The following C6orf132 variants were observed in gnomAD, a reference collection of about 807,000 sequenced individuals.
C6orf132 encodes the protein chromosome 6 open reading frame 132, also known as uncharacterized protein C6orf132.
Under a neutral mutation model 65.3 loss-of-function variants are expected in C6orf132, and 43 were observed. That is an observed-to-expected ratio of 0.66 (90% CI 0.52 to 0.85). C6orf132 has a LOEUF of 0.85. Ranked by LOEUF, C6orf132 falls within the 40% of genes least tolerant of loss-of-function variation. C6orf132 has a pLI of 0.00. For missense variants in C6orf132, 1,488 were observed against 1,548.8 expected (o/e 0.96, Z 0.66); for synonymous variants, 631 against 654.1 (o/e 0.96, Z 0.54).
intron 1 of C6orf132, among the ~76,000 whole-genome samples, chr6:42,131,633 C>CTCT (rs1306188540): frequency 6.6e-6 from 1 of 152,030 alleles, no homozygotes; most frequent in Non-Finnish European, 1.5e-5. Context: ...TGGGAAGCAA[C>CTCT]GGGAGGTGAG....
chr6:42,103,504 T>G lies in C6orf132; in HGVS notation c.*257A>C, dbSNP rs1766330578. On this transcript the variant is annotated 3_prime_UTR_variant, in exon 5 of 5. Transcript: ENST00000341865. ...AGCGCCCAGGTCCTTAATGGTTCCT[T>G]CTCTCTACCCTCCTTCCCCTCCCAC... 7.7e-6 allele frequency: 3 copies of G among 390,156 alleles called. No homozygotes were observed. The East Asian group carries it at 1.1e-4, about 14-fold the overall frequency. The allele number at this position is 390,156 out of a possible 1,614,324, so 24.2% of individuals were successfully genotyped here. A position where few individuals can be genotyped will look rare whatever the true frequency, so the allele number is the denominator to read the frequency against.
chr6:42,112,703 G>T (rs1335047765), intron 2 of C6orf132, among the ~76,000 whole-genome samples: 1 of 152,226 alleles, frequency 6.6e-6, no homozygotes, highest in African/African-American at 2.4e-5. Context: ...CCTTCAGTGA[G>T]ATCTGGGAGC....
rs1391623499 is a variant in C6orf132, at chr6:42,106,624, AC to A, written c.1287del (p.Phe430LeufsTer87). ...CAQKAAHPPA[G>X]FTKTPKSSSP... is the part of the protein sequence containing the mutation. Reference sequence around the variant, plus strand: ...GAGCTGGATTTAGGGGTTTTTGTAAACCCAGCAGGTGGATGGGCTGCCTTCT... The same window carrying A: ...GAGCTGGATTTAGGGGTTTTTGTAAACCAGCAGGTGGATGGGCTGCCTTCT... On this transcript the variant is annotated frameshift_variant, in exon 4 of 5. Transcript: ENST00000341865. LOFTEE classifies it high-confidence loss of function. 6.5e-7 allele frequency: 1 copy of A among 1,528,712 alleles called. No individual in the cohort carries two copies. Among genetic ancestry groups the A allele is most frequent in the South Asian group, 1.2e-5 (1 of 83,788 alleles). The allele number at this position is 1,528,712 out of a possible 1,614,324, so 94.7% of individuals were successfully genotyped here.
Position 42,104,735 on chromosome 6 carries a change from G to C in C6orf132, c.3177C>G (p.Arg1059=), listed in dbSNP as rs1249502824. ...CGTACAGGCGCTTCTTTATGAGCGA[G>C]CGGCCCCCTCCCGAGAAGCGCTCCA... ...GGLERFSGGG[R]SLIKKRLYVG... Residue 1059 remains arginine (R), a synonymous_variant, in exon 4 of 5, where the codon CGC becomes CGG. Transcript: ENST00000341865. This position sits in a 1 kb window ranked among gnomAD's most constrained non-coding sequence, Gnocchi z 4.1. The C allele has an allele frequency of 6.5e-7, 1 of 1,527,074 alleles. No individual in the cohort carries two copies. The highest frequency in any genetic ancestry group is 2.0e-5 in the Admixed American group (1 of 49,372). The allele number at this position is 1,527,074 out of a possible 1,614,324, so 94.6% of individuals were successfully genotyped here.
chr6:42,115,289 CAAAAAAA>C (rs58397911), intron 2 of C6orf132, among the ~76,000 whole-genome samples: 1 of 73,658 alleles, frequency 1.4e-5, no homozygotes, highest in Non-Finnish European at 3.1e-5. Context: ...GACTCCATCT[CAAAAAAA>C]AAAAAAAAAA....
intron 1 of C6orf132, 105 bp downstream of exon 1, chr6:42,142,195 T>G: frequency 7.6e-7 from 1 of 1,313,050 alleles, no homozygotes. Context: ...AGTCCGCAGG[T>G]TCCAACGTGT....
chr6:42,126,847 CAAAAAA>C, intron 2 of C6orf132: 1 of 347,258 alleles, frequency 2.9e-6, no homozygotes. Flanking sequence ...ACTCAGTCTG[CAAAAAA>C]AAAAAAAAAG....
At chr6:42,116,348 A>G (rs1266193952) in intron 2 of C6orf132, among the ~76,000 whole-genome samples, 2 of 152,126 alleles carry the variant, frequency 1.3e-5, no homozygotes, top group Admixed American at 1.3e-4. Context: ...AGATTCAGTG[A>G]CATGCCCAAG....
At chr6:42,127,819 A>T (rs1031724780) in intron 2 of C6orf132, among the ~76,000 whole-genome samples, 2 of 152,140 alleles carry the variant, frequency 1.3e-5, no homozygotes, top group African/African-American at 4.8e-5. Flanking sequence ...CAGAAGCGGG[A>T]TGTGCTATAT....
intron 1 of C6orf132, among the ~76,000 whole-genome samples, chr6:42,130,264 C>T (rs1485832263): frequency 6.6e-6 from 1 of 152,244 alleles, no homozygotes; most frequent in Non-Finnish European, 1.5e-5. Context: ...TTTCCAGTCC[C>T]AGTTGCCAGT....
chr6:42,113,911 C>T (rs548444744), intron 2 of C6orf132, among the ~76,000 whole-genome samples: 224 of 152,064 alleles, frequency 1.5e-3, no homozygotes, highest in Non-Finnish European at 2.4e-3. Flanking sequence ...AGATAATATC[C>T]CTAACCCAGG....
chr6:42,130,800 CT>C (rs142411609), intron 1 of C6orf132, among the ~76,000 whole-genome samples: 7 of 147,544 alleles, frequency 4.7e-5, no homozygotes, highest in Admixed American at 1.4e-4. Flanking sequence ...GAGATGGAGT[CT>C]TTTTTTTTTG....
intron 1 of C6orf132, among the ~76,000 whole-genome samples, chr6:42,133,476 A>T (rs929177163): frequency 2.0e-5 from 3 of 152,186 alleles, no homozygotes; most frequent in Non-Finnish European, 4.4e-5. Flanking sequence ...AGAAAGCTGG[A>T]AAAGGAAGGG....
intron 1 of C6orf132, among the ~76,000 whole-genome samples, chr6:42,136,034 G>A (rs1264048675): frequency 1.3e-5 from 2 of 151,888 alleles, no homozygotes; most frequent in South Asian, 2.1e-4. Context: ...AATGGGTGCA[G>A]CACACCAGCA....
intron 2 of C6orf132, among the ~76,000 whole-genome samples, chr6:42,113,614 A>G (rs554701441): frequency 1.8e-4 from 28 of 152,184 alleles, no homozygotes; most frequent in Non-Finnish European, 3.7e-4. Flanking sequence ...CAGGAGTTCA[A>G]GACCAGCCTG....
intron 1 of C6orf132, among the ~76,000 whole-genome samples, chr6:42,137,880 T>G (rs1582287318): frequency 6.6e-6 from 1 of 151,488 alleles, no homozygotes; most frequent in East Asian, 1.9e-4. Flanking sequence ...ATCGAGACCA[T>G]CCTGGCCAAC....
At chr6:42,111,086 T>A (rs1222366701) in intron 2 of C6orf132, among the ~76,000 whole-genome samples, 9 of 152,094 alleles carry the variant, frequency 5.9e-5, no homozygotes, top group Admixed American at 2.6e-4. Flanking sequence ...TAGTTTTCAT[T>A]AGGTGTTTAC....
intron 3 of C6orf132, among the ~76,000 whole-genome samples, chr6:42,108,473 G>C (rs1003927668): frequency 6.6e-6 from 1 of 152,198 alleles, no homozygotes; most frequent in African/African-American, 2.4e-5. Context: ...GAGATAGGAA[G>C]TCATGGGGCA....
Position 42,124,880 on chromosome 6 carries a change from A to G in C6orf132, c.252+3792T>C, listed in dbSNP as rs527761460. 2.6e-5 allele frequency among the ~76,000 whole-genome samples: 4 copies of G among 152,336 alleles called. No homozygotes were observed. In the East Asian group the frequency reaches 5.8e-4, roughly 22 times the overall value. On this transcript the variant is annotated intron_variant, in intron 2 of 4. Transcript: ENST00000341865. This position sits in a 1 kb window ranked among gnomAD's most constrained non-coding sequence, Gnocchi z 4.0. ...CACCCGGGAGCAAGCGACGAACGAC[A>G]TGGAAGCTGCCCTATCTTGTGACCT...
Sources: allele counts gnomAD v4.1 joint callset (sites outside exome capture counted in the v4.1 genomes callset), GRCh38; gene constraint gnomAD v4.1.1; non-coding constraint Gnocchi (gnomAD v3.1); transcripts MANE v1.5; gene names NCBI Gene and HGNC (gene_info 2026-07-23, HGNC 2026-07-21).